The following ERAP1 variants were observed in gnomAD, a reference collection of about 807,000 sequenced individuals.
The protein encoded by ERAP1 is endoplasmic reticulum aminopeptidase 1.
In ERAP1, 86 loss-of-function variants were observed where a neutral mutation model predicts 103.7. That is an observed-to-expected ratio of 0.83 (90% CI 0.70 to 0.99). The LOEUF (loss-of-function observed/expected upper bound fraction) is 0.99. Among genes scored for constraint, ERAP1 ranks in the 50% least tolerant of loss-of-function variants. The probability of loss-of-function intolerance (pLI) is 0.00; values close to 1 mark genes in which losing one functional copy is unlikely to be tolerated. For synonymous variants in ERAP1, 398 were observed against 402.4 expected (o/e 0.99, Z 0.13); for missense variants, 1,009 against 1,128.4 (o/e 0.89, Z 1.52).
At chr5:96,773,905 G>C (rs1266376690), downstream of ERAP1, 1 of 152,206 alleles carries the variant, frequency 6.6e-6, no homozygotes, top group African/African-American at 2.4e-5. Context: ...TGTGGCAGCG[G>C]GGCAAGCAAA....
chr5:96,850,428 A>G, the ERAP1 span, among the ~76,000 whole-genome samples: 96 of 152,292 alleles, frequency 6.3e-4, 1 homozygote, highest in African/African-American at 2.1e-3. Context: ...AATAGACAAA[A>G]AACCTGCATA....
chr5:96,873,677 G>A, the ERAP1 span: 9 of 312,914 alleles, frequency 2.9e-5, no homozygotes, highest in Non-Finnish European at 5.2e-5. Flanking sequence ...GGCAATCTAA[G>A]GAAAAACAAA....
chr5:96,814,289 C>A, the ERAP1 span: 1 of 456,232 alleles, frequency 2.2e-6, no homozygotes, highest in Non-Finnish European at 4.4e-6. Context: ...GGGTTAGAAG[C>A]AAGTCACAGG....
At chr5:96,880,322 T>G in the ERAP1 span, 5 of 1,425,690 alleles carry the variant, frequency 3.5e-6, no homozygotes, top group East Asian at 2.4e-5. Context: ...GTTACATCTC[T>G]TTGCCAGGAG....
chr5:96,908,983 A>C, the ERAP1 span: 1 of 1,614,184 alleles, frequency 6.2e-7, no homozygotes, highest in Non-Finnish European at 8.5e-7. Context: ...GACCCTAGAC[A>C]AAGCTCTTGA....
chr5:96,782,093 T>C (rs116360011), intron 15 of ERAP1, among the ~76,000 whole-genome samples: 13,894 of 150,216 alleles, frequency 0.092, 842 homozygotes, highest in Middle Eastern at 0.17. Context: ...TCCTGCAAGC[T>C]CCGCCCTCCC....
chr5:96,770,637 T>C, downstream of ERAP1: 1 of 1,361,108 alleles, frequency 7.3e-7, no homozygotes, highest in Non-Finnish European at 1.1e-6. Context: ...CAAATTAGTT[T>C]AGCAGTTACA....
At chr5:96,922,531 G>T in the ERAP1 span, among the ~76,000 whole-genome samples, 2 of 152,244 alleles carry the variant, frequency 1.3e-5, no homozygotes, top group East Asian at 3.9e-4. Context: ...CTAAAAGCAG[G>T]AGTCGTAGAA....
At chr5:96,879,006 T>C in the ERAP1 span, among the ~76,000 whole-genome samples, 1 of 152,084 alleles carries the variant, frequency 6.6e-6, no homozygotes, top group Non-Finnish European at 1.5e-5. Flanking sequence ...TTGGGAGGAT[T>C]GCTTGAGTTT....
the ERAP1 span, among the ~76,000 whole-genome samples, chr5:96,926,763 C>T: frequency 6.6e-6 from 1 of 152,018 alleles, no homozygotes; most frequent in Non-Finnish European, 1.5e-5. Flanking sequence ...GTTGTTTATA[C>T]TTTTTGGCTA....
chr5:96,860,593 G>A, the ERAP1 span, among the ~76,000 whole-genome samples: 4 of 152,024 alleles, frequency 2.6e-5, no homozygotes, highest in African/African-American at 7.2e-5. Flanking sequence ...AAAGACATGG[G>A]CCCCAACCTT....
chr5:96,879,789 G>A, the ERAP1 span: 1 of 1,614,188 alleles, frequency 6.2e-7, no homozygotes, highest in South Asian at 1.1e-5. Flanking sequence ...ATATGCATTT[G>A]TTCTCAGTTC....
the ERAP1 span, chr5:96,896,885 G>A: frequency 3.9e-6 from 6 of 1,551,624 alleles, no homozygotes; most frequent in African/African-American, 1.4e-5. Flanking sequence ...GTTGGGTAAC[G>A]ATAGACTGTT....
At chr5:96,830,687 A>G in the ERAP1 span, among the ~76,000 whole-genome samples, 1 of 152,248 alleles carries the variant, frequency 6.6e-6, no homozygotes. Flanking sequence ...CAGACAAAGA[A>G]TATTGTTTAG....
Position 96,775,572 on chromosome 5 carries a change from A to ATTTT in ERAP1, c.*820_*823dup. On this transcript the variant is annotated 3_prime_UTR_variant, in exon 19 of 19. Coordinates refer to ENST00000443439, the MANE Select transcript of ERAP1 (RefSeq NM_001040458.3). The stretch of plus-strand genomic sequence containing the variant: ...TATCTGAGGAGGGTTCTATAAAAAG[A>ATTTT]TTTTTTGCAAAAGTGCGAGCACATT... 1 of 950,826 alleles carries ATTTT rather than the reference A, an allele frequency of 1.1e-6. No individual in the cohort carries two copies. The highest frequency in any genetic ancestry group is 1.3e-6 in the Non-Finnish European group (1 of 798,504). 58.9% of individuals were successfully genotyped at this position (950,826 alleles called of 1,614,324 possible).
intron 18 of ERAP1, among the ~76,000 whole-genome samples, chr5:96,778,375 G>A (rs924586280): frequency 2.6e-5 from 4 of 152,220 alleles, no homozygotes; most frequent in Non-Finnish European, 5.9e-5. Context: ...GATCTGAGCC[G>A]AGACCTCTCA....
At chr5:96,793,779 T>A in intron 6 of ERAP1, 24 bp downstream of exon 6, 1 of 1,596,614 alleles carries the variant, frequency 6.3e-7, no homozygotes, top group Non-Finnish European at 8.6e-7. Context: ...TTATACTTTA[T>A]TAAAAGTGTG....
the ERAP1 span, among the ~76,000 whole-genome samples, chr5:96,924,337 G>C: frequency 6.6e-6 from 1 of 152,112 alleles, no homozygotes; most frequent in Admixed American, 6.5e-5. Context: ...TCAGCCAAAG[G>C]GAGGAAAAAA....
At chr5:96,934,124 A>G in the ERAP1 span, 1 of 152,252 alleles carries the variant, frequency 6.6e-6, no homozygotes, top group Non-Finnish European at 1.5e-5. Context: ...ATACTTACCC[A>G]GGCATTGGGG....
Sources: gnomAD v4.1 joint callset for allele counts (sites outside exome capture counted in the v4.1 genomes callset) on GRCh38, gnomAD v4.1.1 for gene constraint, MANE v1.5 for transcripts, NCBI Gene and HGNC (gene_info 2026-07-23, HGNC 2026-07-21) for gene names.